The following LHFPL3 variants were observed in gnomAD, a reference collection of about 807,000 sequenced individuals.
LHFPL3 encodes LHFPL tetraspan subfamily member 3.
A neutral mutation model predicts 19.3 loss-of-function variants in LHFPL3; 5 were observed. That is an observed-to-expected ratio of 0.26 (90% CI 0.14 to 0.54). LHFPL3 has a LOEUF of 0.54. Ranked by LOEUF, LHFPL3 falls within the 20% of genes least tolerant of loss-of-function variation. The probability of loss-of-function intolerance (pLI) is 0.94; values close to 1 mark genes in which losing one functional copy is unlikely to be tolerated. For synonymous variants in LHFPL3, 133 were observed against 126.2 expected, an observed-to-expected ratio of 1.05 and a Z score of -0.36; for missense variants, 249 against 307.4, an observed-to-expected ratio of 0.81 and a Z score of 1.42.
intron 1 of LHFPL3, among the ~76,000 whole-genome samples, chr7:104,468,250 A>G (rs999639159): frequency 2.0e-5 from 3 of 152,202 alleles, no homozygotes; most frequent in Non-Finnish European, 2.9e-5. Context: ...TACTGAGGTC[A>G]TAACAACTTA....
chr7:104,565,962 A>T (rs576814411), intron 1 of LHFPL3, among the ~76,000 whole-genome samples: 1 of 152,228 alleles, frequency 6.6e-6, no homozygotes, highest in East Asian at 1.9e-4. Context: ...ACGGCCAGCC[A>T]TTCACCAGAG....
intron 2 of LHFPL3, among the ~76,000 whole-genome samples, chr7:104,863,458 T>C (rs1791654872): frequency 6.6e-6 from 1 of 152,238 alleles, no homozygotes; most frequent in Admixed American, 6.5e-5. Flanking sequence ...AAAATATAAG[T>C]GCTGTGTTCC....
intron 1 of LHFPL3, among the ~76,000 whole-genome samples, chr7:104,376,017 T>G (rs561421165): frequency 6.6e-6 from 1 of 152,356 alleles, no homozygotes; most frequent in South Asian, 2.1e-4. Flanking sequence ...GGGCTAGGAT[T>G]TGTATCTTTA....
intron 1 of LHFPL3, among the ~76,000 whole-genome samples, chr7:104,496,076 G>T (rs181596458): frequency 6.6e-6 from 1 of 151,920 alleles, no homozygotes; most frequent in Non-Finnish European, 1.5e-5. Context: ...CCATTAACTC[G>T]TCATTTAGCA....
intron 1 of LHFPL3, among the ~76,000 whole-genome samples, chr7:104,594,341 C>G (rs1200081885): frequency 6.6e-6 from 1 of 152,172 alleles, no homozygotes; most frequent in Non-Finnish European, 1.5e-5. Flanking sequence ...AAATTCTTTC[C>G]TTTAAGAATG....
intron 1 of LHFPL3, among the ~76,000 whole-genome samples, chr7:104,401,535 T>C (rs533557855): frequency 6.6e-6 from 1 of 152,322 alleles, no homozygotes; most frequent in East Asian, 1.9e-4. Flanking sequence ...CATAACCTTT[T>C]AGATAACTTA....
intron 1 of LHFPL3, among the ~76,000 whole-genome samples, chr7:104,556,610 G>GTT (rs1789840104): frequency 6.6e-6 from 1 of 152,204 alleles, no homozygotes. Context: ...TGATGGGGAG[G>GTT]TGCTGCTGCA....
At chr7:104,534,855 T>G (rs1435212536) in intron 1 of LHFPL3, among the ~76,000 whole-genome samples, 1 of 151,892 alleles carries the variant, frequency 6.6e-6, no homozygotes, top group Non-Finnish European at 1.5e-5. Context: ...TCTATTTCTT[T>G]ATATATTTCT....
At chr7:104,494,831 C>T (rs1454693302) in intron 1 of LHFPL3, among the ~76,000 whole-genome samples, 1 of 152,138 alleles carries the variant, frequency 6.6e-6, no homozygotes, top group Non-Finnish European at 1.5e-5. Context: ...GGTGTTGCAG[C>T]AGCACCATGG....
intron 1 of LHFPL3, among the ~76,000 whole-genome samples, chr7:104,375,597 T>C (rs1017274902): frequency 6.6e-6 from 1 of 152,174 alleles, no homozygotes; most frequent in Non-Finnish European, 1.5e-5. Context: ...GGCTCAAAAT[T>C]ACACATGATT....
chr7:104,616,149 T>C (rs1791333579), intron 1 of LHFPL3, among the ~76,000 whole-genome samples: 1 of 152,194 alleles, frequency 6.6e-6, no homozygotes, highest in African/African-American at 2.4e-5. Context: ...TTAAATTTTA[T>C]ATGTAATCAA....
chr7:104,558,447 T>A (rs1260106776), intron 1 of LHFPL3, among the ~76,000 whole-genome samples: 1 of 152,148 alleles, frequency 6.6e-6, no homozygotes, highest in Non-Finnish European at 1.5e-5. Context: ...GAGCATTTTT[T>A]CATGTGTTTT....
rs919661761 is a variant in LHFPL3, at chr7:104,736,788, C to T, written c.559C>T (p.Arg187Cys). 5.6e-6 allele frequency: 9 copies of T among 1,613,326 alleles called. No individual in the cohort carries two copies. The highest frequency in any genetic ancestry group is 1.3e-5 in the African/African-American group (1 of 74,880). Residue 187 changes from arginine (R) to cysteine (C), a missense_variant, in exon 2 of 3, where the codon CGC becomes TGC. Coordinates refer to ENST00000424859, the MANE Select transcript of LHFPL3 (RefSeq NM_199000.3). Reference sequence around the variant, plus strand: ...GTACACTCTTGGGGCTTGCTCAGTCCGCTGGGCATACATCCTGGCTATTAT... The same window carrying T: ...GTACACTCTTGGGGCTTGCTCAGTCTGCTGGGCATACATCCTGGCTATTAT... ...DKYTLGACSV[R>C]WAYILAIIGI...
At chr7:104,759,442 T>G (rs1245087401) in intron 2 of LHFPL3, among the ~76,000 whole-genome samples, 1 of 152,208 alleles carries the variant, frequency 6.6e-6, no homozygotes, top group Admixed American at 6.5e-5. Flanking sequence ...TATTTCAGCA[T>G]GTAATCAATA....
chr7:104,732,675 G>T (rs1793727964), intron 1 of LHFPL3, among the ~76,000 whole-genome samples: 1 of 152,046 alleles, frequency 6.6e-6, no homozygotes, highest in Non-Finnish European at 1.5e-5. Flanking sequence ...CAAAAAACCA[G>T]CTCCTGGATT....
At chr7:104,619,285 T>C (rs1791401502) in intron 1 of LHFPL3, among the ~76,000 whole-genome samples, 1 of 152,244 alleles carries the variant, frequency 6.6e-6, no homozygotes, top group Non-Finnish European at 1.5e-5. Context: ...CAAAATATCC[T>C]ATCATTATTG....
chr7:104,873,388 T>C (rs1377043074), intron 2 of LHFPL3, among the ~76,000 whole-genome samples: 1 of 152,072 alleles, frequency 6.6e-6, no homozygotes, highest in Non-Finnish European at 1.5e-5. Flanking sequence ...ACACACAAAA[T>C]AGGTGGGAGA....
chr7:104,830,263 T>G (rs1262587437), intron 2 of LHFPL3, among the ~76,000 whole-genome samples: 4 of 151,936 alleles, frequency 2.6e-5, no homozygotes, highest in Admixed American at 6.5e-5. Flanking sequence ...TGCGAAAATT[T>G]TCTCCCATTT....
chr7:104,537,789 T>C (rs61361401), intron 1 of LHFPL3, among the ~76,000 whole-genome samples: 1,822 of 152,332 alleles, frequency 0.012, 15 homozygotes, highest in East Asian at 0.028. Context: ...ACAGCACTCT[T>C]TCTGTTGTGG....
Sources: gnomAD v4.1 joint callset for allele counts (sites outside exome capture counted in the v4.1 genomes callset) on GRCh38, gnomAD v4.1.1 for gene constraint, MANE v1.5 for transcripts, NCBI Gene and HGNC (gene_info 2026-07-23, HGNC 2026-07-21) for gene names.